The following MFAP1 variants were observed in gnomAD, a reference collection of about 807,000 sequenced individuals.
MFAP1 encodes microfibrillar-associated protein 1.
MFAP1 carries 18 observed loss-of-function variants against 62.2 expected under a neutral mutation model. The ratio of observed to expected loss-of-function variants is 0.29; its 90% confidence interval spans 0.20 to 0.43. The LOEUF is 0.43. Among genes scored for constraint, MFAP1 ranks in the 20% least tolerant of loss-of-function variants. MFAP1 has a pLI of 1.00. For missense variants in MFAP1, 355 were observed against 559.7 expected, an observed-to-expected ratio of 0.63 and a Z score of 3.69; for synonymous variants, 175 against 180.4, an observed-to-expected ratio of 0.97 and a Z score of 0.24.
intron 1 of MFAP1, among the ~76,000 whole-genome samples, chr15:43,819,154 C>T (rs1372440141): frequency 1.3e-5 from 2 of 152,116 alleles, no homozygotes; most frequent in Non-Finnish European, 2.9e-5. Flanking sequence ...GATCGTGCTA[C>T]TGCACTCCAG....
At chr15:43,811,995 G>C (rs2087404349) in intron 6 of MFAP1, among the ~76,000 whole-genome samples, 1 of 152,014 alleles carries the variant, frequency 6.6e-6, no homozygotes, top group Non-Finnish European at 1.5e-5. Context: ...TTCGAGACCA[G>C]CCTGACCAAC....
At chr15:43,817,529 C>A in intron 1 of MFAP1, 81 bp from the exon 2 acceptor site, 1 of 1,364,698 alleles carries the variant, frequency 7.3e-7, no homozygotes, top group East Asian at 2.3e-5. Flanking sequence ...CAAATAGAGC[C>A]CTTTATTCAT....
At chr15:43,808,783 T>C (rs993215643) in intron 7 of MFAP1, among the ~76,000 whole-genome samples, 1 of 152,256 alleles carries the variant, frequency 6.6e-6, no homozygotes, top group Non-Finnish European at 1.5e-5. Context: ...GGCAGGAATT[T>C]AGTTGCAGTG....
chr15:43,814,840 C>A, intron 3 of MFAP1, 105 bp downstream of exon 3: 1 of 1,519,444 alleles, frequency 6.6e-7, no homozygotes, highest in South Asian at 1.3e-5. Flanking sequence ...TGATCAGAGT[C>A]CTGCCAAAGC....
In MFAP1 at chr15:43,818,828, C is replaced by T. The variant is rs113958719; in HGVS notation, c.80-1380G>A. Among the ~76,000 whole-genome samples the T allele has an allele frequency of 7.8e-3, 1,181 of 152,202 alleles. 19 individuals carry two copies. Among genetic ancestry groups the T allele is most frequent in the African/African-American group, 0.027 (1,122 of 41,534 alleles). On this transcript the variant is annotated intron_variant, in intron 1 of 8. Transcript: ENST00000267812. ...ACTGGAGCCCAGGAGGTTGAGGCTG[C>T]GGCAAGCCATGACCACACCAAGGCA...
chr15:43,819,042 A>G (rs1567177693), intron 1 of MFAP1, among the ~76,000 whole-genome samples: 1 of 152,136 alleles, frequency 6.6e-6, no homozygotes, highest in Non-Finnish European at 1.5e-5. Context: ...AAATACAAAA[A>G]TTAGCCAGAC....
Position 43,817,153 on chromosome 15 carries a change from A to G in MFAP1, c.299+76T>C, listed in dbSNP as rs1233443409. On this transcript the variant is annotated intron_variant, in intron 2 of 8. Transcript: ENST00000267812. ...CAAATGTAATCTACTTGGTAGTACT[A>G]TTCAAGTATTAGCTATTATTATTAT... 3.7e-6 allele frequency: 5 copies of G among 1,361,440 alleles called. No individual in the cohort carries two copies. In the South Asian group the frequency reaches 3.7e-5, roughly 10 times the overall value. 84.3% of individuals were successfully genotyped at this position (1,361,440 alleles called of 1,614,324 possible).
chr15:43,824,331 A>C (rs2087485545), intron 1 of MFAP1, among the ~76,000 whole-genome samples, 160 bp downstream of exon 1: 1 of 152,086 alleles, frequency 6.6e-6, no homozygotes, highest in South Asian at 2.1e-4. Flanking sequence ...CCACAGGAAC[A>C]AGATCGGATG....
intron 1 of MFAP1, among the ~76,000 whole-genome samples, chr15:43,819,808 C>G (rs28781888): frequency 0.15 from 22,623 of 152,136 alleles, 2,097 homozygotes; most frequent in East Asian, 0.26. Context: ...GCTGGGATTT[C>G]AGGTGTGAGC....
At chr15:43,814,844 C>A in intron 3 of MFAP1, 101 bp downstream of exon 3, 1 of 1,531,416 alleles carries the variant, frequency 6.5e-7, no homozygotes, top group Non-Finnish European at 8.9e-7. Context: ...CAGAGTCCTG[C>A]CAAAGCAGTG....
At chr15:43,810,043 G>T in intron 6 of MFAP1, 129 bp from the exon 7 acceptor site, 1 of 1,136,374 alleles carries the variant, frequency 8.8e-7, no homozygotes, top group Non-Finnish European at 1.3e-6. Flanking sequence ...TGCCTATTAG[G>T]AATCAAGATA....
In MFAP1 at chr15:43,805,908, G is replaced by A. The variant is rs538285749; in HGVS notation, c.1048-443C>T. Among the ~76,000 whole-genome samples, 21 of 151,794 alleles carry A rather than the reference G, an allele frequency of 1.4e-4. 1 individual carries two copies. Among genetic ancestry groups the A allele is most frequent in the African/African-American group, 4.8e-4 (20 of 41,408 alleles). On this transcript the variant is annotated intron_variant, in intron 7 of 8. Coordinates refer to ENST00000267812, the MANE Select transcript of MFAP1 (RefSeq NM_005926.3). ...ATTACAGGTGTGAACCACTGCGCCC[G>A]GCCGAGATGATATTCTTTTTCCTTT...
intron 1 of MFAP1, among the ~76,000 whole-genome samples, chr15:43,817,727 TC>T (rs765384841): frequency 2.7e-5 from 4 of 149,974 alleles, no homozygotes; most frequent in Non-Finnish European, 4.4e-5. Flanking sequence ...TAGAAAAAAG[TC>T]CCCCCCCAAA....
At chr15:43,808,610 G>T (rs534202360) in intron 7 of MFAP1, among the ~76,000 whole-genome samples, 1 of 152,182 alleles carries the variant, frequency 6.6e-6, no homozygotes, top group African/African-American at 2.4e-5. Flanking sequence ...CTTTATGACC[G>T]AAGCAGTACA....
chr15:43,818,816 A>G (rs965521112), intron 1 of MFAP1, among the ~76,000 whole-genome samples: 2 of 152,114 alleles, frequency 1.3e-5, no homozygotes, highest in African/African-American at 4.8e-5. Flanking sequence ...GGAGCCCAGG[A>G]GGTTGAGGCT....
chr15:43,821,227 A>G (rs747215531), intron 1 of MFAP1, among the ~76,000 whole-genome samples: 18 of 152,226 alleles, frequency 1.2e-4, no homozygotes, highest in Non-Finnish European at 2.6e-4. Context: ...GAGGAAAAAT[A>G]TGTAATTTTA....
At chr15:43,807,512 C>G (rs891883589) in intron 7 of MFAP1, among the ~76,000 whole-genome samples, 2 of 151,566 alleles carry the variant, frequency 1.3e-5, no homozygotes, top group Admixed American at 1.3e-4. Flanking sequence ...CCACGCCTAG[C>G]TAATTTTTTG....
At chr15:43,807,551 T>C (rs905680908) in intron 7 of MFAP1, among the ~76,000 whole-genome samples, 12 of 151,648 alleles carry the variant, frequency 7.9e-5, no homozygotes, top group African/African-American at 2.4e-4. Flanking sequence ...GTTTTCACCA[T>C]GTTAGCCAGG....
chr15:43,812,131 A>G (rs901336336), intron 6 of MFAP1, among the ~76,000 whole-genome samples: 2 of 151,492 alleles, frequency 1.3e-5, no homozygotes, highest in African/African-American at 4.9e-5. Flanking sequence ...CGGAGGCTGC[A>G]GTGAGCTGAG....
Sources: gnomAD v4.1 joint callset for allele counts (sites outside exome capture counted in the v4.1 genomes callset) on GRCh38, gnomAD v4.1.1 for gene constraint, MANE v1.5 for transcripts, NCBI Gene and HGNC (gene_info 2026-07-23, HGNC 2026-07-21) for gene names.